CDH8: variants seen among roughly 807,000 people sequenced by gnomAD.
CDH8 encodes the protein cadherin 8.
CDH8 carries 17 observed loss-of-function variants against 68.1 expected under a neutral mutation model. That is an observed-to-expected ratio of 0.25 (90% CI 0.17 to 0.37). The LOEUF is 0.37. CDH8 is among the 10% of genes least tolerant of loss of function. The pLI is 1.00. For synonymous variants in CDH8, 372 were observed against 365.1 expected, an observed-to-expected ratio of 1.02 and a Z score of -0.21; for missense variants, 763 against 999.3, an observed-to-expected ratio of 0.76 and a Z score of 3.19.
intron 10 of CDH8, among the ~76,000 whole-genome samples, chr16:61,697,854 T>C (rs1014475294): frequency 6.6e-6 from 1 of 152,086 alleles, no homozygotes; most frequent in African/African-American, 2.4e-5. Context: ...TAAGCCAGCA[T>C]AGAGAAAATT....
chr16:61,991,270 C>A (rs1160020681), intron 2 of CDH8, among the ~76,000 whole-genome samples: 1 of 152,144 alleles, frequency 6.6e-6, no homozygotes, highest in African/African-American at 2.4e-5. Flanking sequence ...AAGGTACTAC[C>A]ATCTGCCACA....
chr16:61,936,527 A>G (rs528086906), intron 2 of CDH8, among the ~76,000 whole-genome samples: 160 of 152,316 alleles, frequency 1.1e-3, no homozygotes, highest in African/African-American at 3.6e-3. Context: ...ATATGTAGCT[A>G]CGAAGAGCAA....
At chr16:61,884,640 C>G (rs1963639215) in intron 3 of CDH8, among the ~76,000 whole-genome samples, 1 of 152,128 alleles carries the variant, frequency 6.6e-6, no homozygotes, top group Non-Finnish European at 1.5e-5. Flanking sequence ...TCCCAAAGTG[C>G]TGGGATTACA....
chr16:61,780,918 A>G (rs1961033933), intron 8 of CDH8, among the ~76,000 whole-genome samples: 1 of 152,222 alleles, frequency 6.6e-6, no homozygotes, highest in South Asian at 2.1e-4. Context: ...TAAAATTTAA[A>G]GCTCTCTTTT....
At chr16:61,824,938 A>G in intron 5 of CDH8, 74 bp downstream of exon 5, 1 of 1,295,772 alleles carries the variant, frequency 7.7e-7, no homozygotes, top group East Asian at 2.5e-5. Context: ...TTTAATTATC[A>G]CTAAAAATTA....
intron 2 of CDH8, among the ~76,000 whole-genome samples, chr16:62,010,039 G>A (rs1010337878): frequency 2.0e-5 from 3 of 152,096 alleles, no homozygotes; most frequent in Admixed American, 2.0e-4. Flanking sequence ...CCCGGGCCCA[G>A]GCTATACCAA....
At chr16:61,891,494 TAGACCATTTAGGG>T (rs1386481278) in intron 3 of CDH8, among the ~76,000 whole-genome samples, 3 of 152,170 alleles carry the variant, frequency 2.0e-5, no homozygotes, top group Non-Finnish European at 4.4e-5. Context: ...TTCTAAACCA[TAGACCATTTAGGG>T]AGACCTTTGA....
At chr16:61,671,241 A>G (rs1031644084) in intron 10 of CDH8, among the ~76,000 whole-genome samples, 1 of 152,066 alleles carries the variant, frequency 6.6e-6, no homozygotes, top group African/African-American at 2.4e-5. Flanking sequence ...TTTCAAACAA[A>G]TGTTGTTGGC....
chr16:61,742,914 A>T (rs930484675), intron 8 of CDH8, among the ~76,000 whole-genome samples: 2 of 152,278 alleles, frequency 1.3e-5, no homozygotes, highest in South Asian at 2.1e-4. Flanking sequence ...AGAGTTGGTA[A>T]TTATGTATTC....
chr16:61,812,165 A>T (rs2142999226), intron 7 of CDH8, among the ~76,000 whole-genome samples: 1 of 152,268 alleles, frequency 6.6e-6, no homozygotes, highest in Admixed American at 6.5e-5. Context: ...CTACTATCTA[A>T]ATTAATTCCA....
intron 2 of CDH8, among the ~76,000 whole-genome samples, chr16:61,936,826 A>G (rs555813017): frequency 5.9e-5 from 9 of 152,324 alleles, no homozygotes; most frequent in Admixed American, 2.0e-4. Flanking sequence ...TTTGGAACAC[A>G]TTAAGAACCT....
intron 8 of CDH8, among the ~76,000 whole-genome samples, chr16:61,780,695 G>T (rs1460051770): frequency 6.6e-6 from 1 of 152,100 alleles, no homozygotes; most frequent in East Asian, 1.9e-4. Context: ...CCAAGACATG[G>T]TCTGTGGCTT....
rs548399369 is a variant in CDH8, at chr16:61,788,640, T to G, written c.1414+706A>C. 2.6e-5 allele frequency among the ~76,000 whole-genome samples: 4 copies of G among 152,084 alleles called. No individual in the cohort carries two copies. The East Asian group carries it at 7.8e-4, about 29-fold the overall frequency. On this transcript the variant is annotated intron_variant, in intron 8 of 11. Transcript: ENST00000577390. Reference sequence around the variant, plus strand: ...GCACCAAATTTCACCATATAGCTATTGTTTAGAGACTCCATTATAGTTTTA... The same window carrying G: ...GCACCAAATTTCACCATATAGCTATGGTTTAGAGACTCCATTATAGTTTTA...
chr16:61,813,476 A>T (rs995448527), intron 7 of CDH8, among the ~76,000 whole-genome samples: 1 of 152,106 alleles, frequency 6.6e-6, no homozygotes, highest in African/African-American at 2.4e-5. Flanking sequence ...CCTGCCCCGC[A>T]AGTGTTTACA....
rs1043868406 is a variant in CDH8, at chr16:61,648,390, A to T, written c.*5218T>A. On this transcript the variant is annotated 3_prime_UTR_variant, in exon 12 of 12. Transcript: ENST00000577390. ...CTGTTGCACCCATTCTTGAGTTCCC[A>T]TCTTTTTGGAAAATTTCACCGTGAC... 4 of 152,394 alleles carry T rather than the reference A, an allele frequency of 2.6e-5. No individual in the cohort carries two copies. Among genetic ancestry groups the T allele is most frequent in the Non-Finnish European group, 5.8e-5 (4 of 68,396 alleles). 9.4% of individuals were successfully genotyped at this position (152,394 alleles called of 1,614,324 possible).
intron 8 of CDH8, among the ~76,000 whole-genome samples, chr16:61,759,670 C>A (rs1960414923): frequency 6.6e-6 from 1 of 152,150 alleles, no homozygotes; most frequent in African/African-American, 2.4e-5. Flanking sequence ...TATCCTTATT[C>A]TATTCCCCCA....
chr16:61,824,981 G>T, intron 5 of CDH8, 31 bp downstream of exon 5: 2 of 1,550,112 alleles, frequency 1.3e-6, no homozygotes, highest in Non-Finnish European at 1.8e-6. Context: ...ATCATACCAA[G>T]ATTCTCATCC....
intron 10 of CDH8, among the ~76,000 whole-genome samples, chr16:61,711,217 T>G (rs1285041691): frequency 6.6e-6 from 1 of 151,918 alleles, no homozygotes; most frequent in Non-Finnish European, 1.5e-5. Context: ...AATTAATTGA[T>G]AGAAATTGCA....
intron 2 of CDH8, among the ~76,000 whole-genome samples, chr16:61,957,461 G>A (rs1245624286): frequency 6.6e-6 from 1 of 152,168 alleles, no homozygotes; most frequent in African/African-American, 2.4e-5. Flanking sequence ...AAGAACACTA[G>A]TTAATGTGAC....
Sources: gnomAD v4.1 joint callset for allele counts (sites outside exome capture counted in the v4.1 genomes callset) on GRCh38, gnomAD v4.1.1 for gene constraint, MANE v1.5 for transcripts, NCBI Gene and HGNC (gene_info 2026-07-23, HGNC 2026-07-21) for gene names.